The following KY variants were observed in gnomAD, a reference collection of about 807,000 sequenced individuals.
The protein encoded by KY is kyphoscoliosis peptidase.
Under a neutral mutation model 76.1 loss-of-function variants are expected in KY, and 43 were observed. The observed-to-expected ratio is 0.57, with a 90% confidence interval of 0.44 to 0.73. The LOEUF is 0.73. Among genes scored for constraint, KY ranks in the 30% least tolerant of loss-of-function variants. The probability of loss-of-function intolerance (pLI) is 0.00; values close to 1 mark genes in which losing one functional copy is unlikely to be tolerated. For missense variants in KY, 722 were observed against 828.9 expected, an observed-to-expected ratio of 0.87 and a Z score of 1.58; for synonymous variants, 277 against 326.2, an observed-to-expected ratio of 0.85 and a Z score of 1.63.
Position 134,650,924 on chromosome 3 carries a change from C to G in KY, c.37G>C (p.Asp13His). ...TCCGAGTGCACGATCAGCAGCATGT[C>G]GATAGATACAGCGTTGATGTCCTTC... ...LKKDINAVSIDMLLIVHSEKR... is the reference protein window; with the variant it reads ...LKKDINAVSIHMLLIVHSEKR... Residue 13 changes from aspartate (D) to histidine (H), a missense_variant, in exon 1 of 11, where the codon GAC becomes CAC. Transcript: ENST00000423778. 1 of 1,613,326 alleles carries G rather than the reference C, an allele frequency of 6.2e-7. No homozygotes were observed. The highest frequency in any genetic ancestry group is 2.2e-5 in the East Asian group (1 of 44,828).
At chr3:134,626,942 G>A (rs1471064010) in intron 5 of KY, among the ~76,000 whole-genome samples, 1 of 152,168 alleles carries the variant, frequency 6.6e-6, no homozygotes, top group Non-Finnish European at 1.5e-5. Flanking sequence ...AGCCATCAGG[G>A]CGATCTAAGT....
Position 134,603,419 on chromosome 3 carries a change from A to G in KY, c.*160T>C, listed in dbSNP as rs1959055221. The G allele has an allele frequency of 6.2e-6, 4 of 649,360 alleles. 1 individual carries two copies. The Admixed American group carries it at 1.2e-4, about 20-fold the overall frequency. The allele number at this position is 649,360 out of a possible 1,614,324, so 40.2% of individuals were successfully genotyped here. On this transcript the variant is annotated 3_prime_UTR_variant, in exon 11 of 11. Transcript: ENST00000423778. The stretch of plus-strand genomic sequence containing the variant: ...CCTGAGTGAAGCCTTCAGAACACAA[A>G]GATCACAGCTCCTGTGGCAGAGGTG...
At chr3:134,627,598 T>C (rs989450649) in intron 5 of KY, among the ~76,000 whole-genome samples, 158 bp downstream of exon 5, 1 of 152,106 alleles carries the variant, frequency 6.6e-6, no homozygotes, top group African/African-American at 2.4e-5. Flanking sequence ...ATGGCAGACA[T>C]TGCTAATCAA....
At chr3:134,624,577 G>A (rs13084758) in intron 6 of KY, among the ~76,000 whole-genome samples, 1 of 152,182 alleles carries the variant, frequency 6.6e-6, no homozygotes, top group Admixed American at 6.5e-5. Flanking sequence ...CTGCACCTGA[G>A]ACATGCTCAG....
intron 3 of KY, 78 bp from the exon 4 acceptor site, chr3:134,629,773 TA>T (rs1963976902): frequency 1.5e-5 from 13 of 840,332 alleles, no homozygotes; most frequent in South Asian, 8.9e-5. Context: ...GATGATTGAA[TA>T]AAAAAACAAT....
intron 8 of KY, among the ~76,000 whole-genome samples, chr3:134,616,025 A>C (rs1961500073): frequency 6.6e-6 from 1 of 152,252 alleles, no homozygotes; most frequent in Non-Finnish European, 1.5e-5. Context: ...GTGATGCTAA[A>C]GCCATGCTAA....
Position 134,620,833 on chromosome 3 carries a change from C to T in KY, c.508G>A (p.Glu170Lys), listed in dbSNP as rs191999465. 174 of 1,612,534 alleles carry T rather than the reference C, an allele frequency of 1.1e-4. 1 individual carries two copies. The African/African-American group carries it at 2.0e-3, about 19-fold the overall frequency. The change falls in exon 7 of 11, where the codon GAA becomes AAA. Residue 170 changes from glutamate to lysine, a missense_variant. Glu to Lys is a moderately conservative substitution (Grantham distance 56, BLOSUM62 1). Around this residue, in one of 2 missense-constraint regions of KY, gnomAD observed 552 missense variants for 680.9 expected, o/e 0.81. Transcript: ENST00000423778. ...SQVTAKSGLD[E>K]LVSDLLQEAH... is the part of the protein sequence containing the mutation. ...TCCTGGAGCAGGTCACTCACCAGTT[C>T]GTCTAGGCCACTCTTGGCTGTCACC...
At position 134,601,966 on chromosome 3, in the gene KY, G is replaced by A. The variant is rs936312412; in HGVS notation, c.*1613C>T. ...CGGGCCCCCTTGGTTCACCTCTGTA[G>A]CCCAAGCATCTGGTACTTCTGTGAG... On this transcript the variant is annotated 3_prime_UTR_variant, in exon 11 of 11. Coordinates refer to ENST00000423778, the MANE Select transcript of KY (RefSeq NM_178554.6). Among the ~76,000 whole-genome samples, 2 of 130,830 alleles carry A rather than the reference G, an allele frequency of 1.5e-5. No homozygotes were observed. The highest frequency in any genetic ancestry group is 5.7e-5 in the African/African-American group (2 of 34,806). 85.8% of individuals were successfully genotyped at this position (130,830 alleles called of 152,430 possible).
At chr3:134,625,278 T>A in intron 5 of KY, 143 bp from the exon 6 acceptor site, 1 of 705,000 alleles carries the variant, frequency 1.4e-6, no homozygotes, top group Non-Finnish European at 2.5e-6. Context: ...GCCTAAGAGC[T>A]ATATGGGAAC....
intron 6 of KY, among the ~76,000 whole-genome samples, chr3:134,623,759 C>G: frequency 6.6e-6 from 1 of 152,122 alleles, no homozygotes; most frequent in South Asian, 2.1e-4. Context: ...GCCGACATGG[C>G]GTCTGTCCTG....
Position 134,604,036 on chromosome 3 carries a change from C to T in KY, c.1529G>A (p.Arg510His), listed in dbSNP as rs200405017. The T allele has an allele frequency of 8.7e-5, 140 of 1,613,866 alleles. No individual in the cohort carries two copies. The African/African-American group carries it at 1.5e-3, about 17-fold the overall frequency. ...DGPITEETQRRYIFQLHREKQ... is the reference protein window; with the variant it reads ...DGPITEETQRHYIFQLHREKQ... ...CTCCCGGTGCAGCTGGAAGATGTAG[C>T]GCCGCTGTGTCTCCTCAGTGATGGG... The change falls in exon 11 of 11, where the codon CGC becomes CAC. Residue 510 changes from arginine to histidine, a missense_variant. By Grantham distance (29) the Arg-to-His change is conservative (BLOSUM62 0). This residue lies in a region of KY where 552 missense variants were observed against 680.9 expected (regional missense o/e 0.81). Coordinates refer to ENST00000423778, the MANE Select transcript of KY (RefSeq NM_178554.6).
chr3:134,608,875 A>G lies in KY; in HGVS notation c.900-36T>C, dbSNP rs750041370. ...GACAAGCTGGTTAGCAGCCAGCTCCATGCAGGGGAGGCAGGGGCCCAATAC... is the reference window on the plus strand; with the variant it reads ...GACAAGCTGGTTAGCAGCCAGCTCCGTGCAGGGGAGGCAGGGGCCCAATAC... On this transcript the variant is annotated intron_variant, in intron 9 of 10. Coordinates refer to ENST00000423778, the MANE Select transcript of KY (RefSeq NM_178554.6). The G allele has an allele frequency of 3.8e-6, 6 of 1,579,190 alleles. 1 individual carries two copies. In the South Asian group the frequency reaches 4.7e-5, roughly 12 times the overall value.
Position 134,614,474 on chromosome 3 carries a change from C to G in KY, c.711-4091G>C, listed in dbSNP as rs148660151. ...TTTGGAGAAAGCTGCAGCCCCCACT[C>G]TCCAGCAATATCAGGGCTCAGGGAC... On this transcript the variant is annotated intron_variant, in intron 8 of 10. Transcript: ENST00000423778. Among the ~76,000 whole-genome samples, 512 of 152,152 alleles carry G rather than the reference C, an allele frequency of 3.4e-3. 1 individual carries two copies. Among genetic ancestry groups the G allele is most frequent in the African/African-American group, 0.012 (481 of 41,496 alleles).
chr3:134,618,974 A>T (rs1310311794), intron 8 of KY, among the ~76,000 whole-genome samples, 174 bp downstream of exon 8: 2 of 152,198 alleles, frequency 1.3e-5, no homozygotes, highest in African/African-American at 4.8e-5. Context: ...TACAAAGTCA[A>T]TTATGCTGGT....
chr3:134,610,225 A>C lies in KY; in HGVS notation c.869T>G (p.Val290Gly), dbSNP rs764641608. 2 of 1,613,764 alleles carry C rather than the reference A, an allele frequency of 1.2e-6. No homozygotes were observed. The highest frequency in any genetic ancestry group is 1.3e-5 in the African/African-American group (1 of 75,030). The change falls in exon 9 of 11, where the codon GTG becomes GGG. Residue 290 changes from valine (V) to glycine (G), a missense_variant. Coordinates refer to ENST00000423778, the MANE Select transcript of KY (RefSeq NM_178554.6). ...GGTGAATTTGGAGGTGATGGTGTCC[A>C]CCAGGCCGCTGCCCCAGGTGCTGTC... ...LVDSTWGSGL[V>G]DTITSKFTFL... is the part of the protein sequence containing the mutation.
chr3:134,626,803 A>G (rs894561065), intron 5 of KY, among the ~76,000 whole-genome samples: 1 of 152,180 alleles, frequency 6.6e-6, no homozygotes, highest in African/African-American at 2.4e-5. Context: ...TATGTCATCA[A>G]CCGCTGTGCT....
chr3:134,629,797 T>C, intron 3 of KY, 102 bp from the exon 4 acceptor site: 1 of 739,452 alleles, frequency 1.4e-6, no homozygotes, highest in South Asian at 1.6e-5. Context: ...GTTTTAGAAC[T>C]TTCTTTTGTG....
intron 6 of KY, among the ~76,000 whole-genome samples, chr3:134,624,782 G>T (rs941388271): frequency 2.0e-5 from 3 of 152,220 alleles, no homozygotes; most frequent in Non-Finnish European, 4.4e-5. Context: ...TGGCCAGAGG[G>T]GCTTGCCAAT....
At chr3:134,649,110 T>C (rs1006565315) in intron 1 of KY, among the ~76,000 whole-genome samples, 36 of 152,134 alleles carry the variant, frequency 2.4e-4, no homozygotes, top group Admixed American at 7.2e-4. Flanking sequence ...TTCTCTGCTC[T>C]GGTTGTGAAT....
Sources: gnomAD v4.1 joint callset for allele counts (sites outside exome capture counted in the v4.1 genomes callset) on GRCh38, gnomAD v4.1.1 for gene constraint, gnomAD v4.1.1 regional missense constraint, MANE v1.5 for transcripts, NCBI Gene and HGNC (gene_info 2026-07-23, HGNC 2026-07-21) for gene names.